The following ZNF211 variants were observed in gnomAD, a reference collection of about 807,000 sequenced individuals.
ZNF211 encodes zinc finger protein C2H2-25.
In ZNF211, 18 loss-of-function variants were observed where a neutral mutation model predicts 12.1. That is an observed-to-expected ratio of 1.48 (90% CI 1.03 to 2.20). The LOEUF (loss-of-function observed/expected upper bound fraction) is 2.20. Ranked by LOEUF, ZNF211 falls within the 30% of genes most tolerant of loss-of-function variation. The pLI, the probability that ZNF211 is intolerant of heterozygous loss-of-function variation, is 0.00. For synonymous variants in ZNF211, 249 were observed against 246.0 expected (o/e 1.01, Z -0.11); for missense variants, 677 against 703.1 (o/e 0.96, Z 0.42).
intron 2 of ZNF211, 45 bp downstream of exon 2, chr19:57,634,106 C>A (rs185696142): frequency 5.2e-5 from 79 of 1,509,072 alleles, no homozygotes; most frequent in Non-Finnish European, 6.8e-5. Context: ...GAATGTCCCT[C>A]CACCCTCCCC....
At chr19:57,639,898 T>G in intron 3 of ZNF211, 1 of 1,528,716 alleles carries the variant, frequency 6.5e-7, no homozygotes, top group South Asian at 1.2e-5. Context: ...TCACATGTCC[T>G]GTCTTTCCCT....
rs1395179760 is a variant in ZNF211 at position 57,638,956 on chromosome 19, C to A, written c.257-1748C>A. Among the ~76,000 whole-genome samples the A allele has an allele frequency of 3.3e-5, 5 of 152,090 alleles. No individual in the cohort carries two copies. In the East Asian group the frequency reaches 9.6e-4, roughly 29 times the overall value. On this transcript the variant is annotated intron_variant, in intron 3 of 3. Coordinates refer to ENST00000240731, the MANE Select transcript of ZNF211 (RefSeq NM_006385.5). ...GAACCTTTTATTAGTATATAATATC[C>A]TTTTATATCTCTTGTTACCCTTTTT...
intron 3 of ZNF211, chr19:57,639,964 G>A: frequency 6.6e-7 from 1 of 1,521,396 alleles, no homozygotes; most frequent in East Asian, 2.5e-5. Context: ...TAGGGGAAGT[G>A]CCCTCTGTTC....
intron 3 of ZNF211, among the ~76,000 whole-genome samples, chr19:57,635,977 A>T (rs1403194525): frequency 6.6e-6 from 1 of 152,176 alleles, no homozygotes; most frequent in Non-Finnish European, 1.5e-5. Flanking sequence ...CAGATTACTG[A>T]TATTGAGCAT....
In ZNF211 at chr19:57,633,210, C is replaced by G; in HGVS notation, c.-137C>G. On this transcript the variant is annotated 5_prime_UTR_variant, in exon 1 of 4. Coordinates refer to ENST00000240731, the MANE Select transcript of ZNF211 (RefSeq NM_006385.5). ...GTCTTCGCAGCGGTCATTTTGGCTG[C>G]CCTCCCGGAGGTCCGTTCTGTCTGT... 1.2e-6 allele frequency: 1 copy of G among 856,948 alleles called. No homozygotes were observed. The highest frequency in any genetic ancestry group is 1.7e-6 in the Non-Finnish European group (1 of 594,326). 53.1% of individuals were successfully genotyped at this position (856,948 alleles called of 1,614,324 possible).
At position 57,642,097 on chromosome 19, in the gene ZNF211, T is replaced by C; in HGVS notation, c.1650T>C (p.Tyr550=). 1 of 1,614,180 alleles carries C rather than the reference T, an allele frequency of 6.2e-7. No individual in the cohort carries two copies. Among genetic ancestry groups the C allele is most frequent in the Non-Finnish European group, 8.5e-7 (1 of 1,179,994 alleles). Residue 550 remains tyrosine, a synonymous_variant, in exon 4 of 4, where the codon TAT becomes TAC. Transcript: ENST00000240731. The part of the protein sequence containing the change: ...HRRVHTGKRP[Y]QCSQCGKSFG... ...GAGTTCACACGGGAAAAAGGCCTTA[T>C]CAGTGCAGTCAATGTGGGAAATCCT...
Position 57,643,341 on chromosome 19 carries a change from A to G in ZNF211, c.*1160A>G, listed in dbSNP as rs1345545224. 6.6e-6 allele frequency among the ~76,000 whole-genome samples: 1 copy of G among 152,136 alleles called. No homozygotes were observed. Among genetic ancestry groups the G allele is most frequent in the Admixed American group, 6.5e-5 (1 of 15,288 alleles). On this transcript the variant is annotated 3_prime_UTR_variant, in exon 4 of 4. Coordinates refer to ENST00000240731, the MANE Select transcript of ZNF211 (RefSeq NM_006385.5). The stretch of plus-strand genomic sequence containing the variant: ...TTGTGCAGGATCAGTGTGTACAGAC[A>G]TTCTTAGAATTTCCAGGCATGTGTA...
At chr19:57,635,061 C>G (rs1169402741) in intron 3 of ZNF211, 46 of 660,058 alleles carry the variant, frequency 7.0e-5, no homozygotes, top group Non-Finnish European at 8.4e-5. Flanking sequence ...GTGTACCTAA[C>G]ATTTATTTGT....
At chr19:57,634,789 C>A in intron 3 of ZNF211, 34 bp downstream of exon 3, 1 of 1,500,782 alleles carries the variant, frequency 6.7e-7, no homozygotes. Context: ...GTGCCCTGGA[C>A]TAGGCTCTCT....
Position 57,642,064 on chromosome 19 carries a change from A to G in ZNF211, c.1617A>G (p.Gln539=). ...KSFSQSSSLI[Q]HRRVHTGKRP... is the part of the protein sequence containing the mutation. ...TTAGCCAAAGTTCTAGCCTCATTCA[A>G]CACCGCAGAGTTCACACGGGAAAAA... is the stretch of plus-strand genomic sequence containing the variant. The change falls in exon 4 of 4, where the codon CAA becomes CAG. Residue 539 remains glutamine, a synonymous_variant. Coordinates refer to ENST00000240731, the MANE Select transcript of ZNF211 (RefSeq NM_006385.5). 1 of 1,614,066 alleles carries G rather than the reference A, an allele frequency of 6.2e-7. No homozygotes were observed. Among genetic ancestry groups the G allele is most frequent in the Non-Finnish European group, 8.5e-7 (1 of 1,179,940 alleles).
In ZNF211 at chr19:57,642,175, G is replaced by A; in HGVS notation, c.1728G>A (p.Lys576=). 3 of 1,602,564 alleles carry A rather than the reference G, an allele frequency of 1.9e-6. No individual in the cohort carries two copies. Among genetic ancestry groups the A allele is most frequent in the South Asian group, 1.1e-5 (1 of 89,850 alleles). ...IQHQRVHIGE[K]P ...ACCAGAGAGTTCACATTGGAGAAAA[G>A]CCTTAGCTGTACTGAGAATATGCAA... Residue 576 remains lysine, a synonymous_variant, in exon 4 of 4, where the codon AAG becomes AAA. Transcript: ENST00000240731.
At chr19:57,639,855 TG>T in intron 3 of ZNF211, 2 of 1,444,376 alleles carry the variant, frequency 1.4e-6, no homozygotes, top group East Asian at 5.0e-5. Flanking sequence ...TGTTCTTTTT[TG>T]TGCCGTGTTG....
chr19:57,633,455 G>C lies in ZNF211; in HGVS notation c.90+19G>C, dbSNP rs973757029. 2.5e-6 allele frequency: 4 copies of C among 1,583,680 alleles called. No individual in the cohort carries two copies. Among genetic ancestry groups the C allele is most frequent in the Non-Finnish European group, 2.6e-6 (3 of 1,171,116 alleles). On this transcript the variant is annotated intron_variant, in intron 1 of 3. Transcript: ENST00000240731. ...GGCTTCGGTGAGCGCTGCGATCTCC[G>C]GGCCTCCCCCGGCCGAGATTCTTAA...
At chr19:57,634,173 G>C in intron 2 of ZNF211, 112 bp downstream of exon 2, 1 of 1,277,644 alleles carries the variant, frequency 7.8e-7, no homozygotes, top group Non-Finnish European at 1.1e-6. Flanking sequence ...CATTCTCTCA[G>C]CGTTTGGTTT....
chr19:57,633,997 C>T (rs759520721), intron 1 of ZNF211, 26 bp from the exon 2 acceptor site: 46 of 1,593,612 alleles, frequency 2.9e-5, no homozygotes, highest in South Asian at 8.0e-5. Context: ...TGATCACATT[C>T]CTCTGAGGCC....
In ZNF211 at chr19:57,640,786, C is replaced by T; in HGVS notation, c.339C>T (p.Ser113=). Residue 113 remains serine (S), a synonymous_variant, in exon 4 of 4, where the codon TCC becomes TCT. Transcript: ENST00000240731. The stretch of plus-strand genomic sequence containing the variant: ...AAAGAGTGCCACAGTTCAGGACTTC[C>T]AAAGAAGGTTCATCTTCCCAGAATG... ...SGERVPQFRT[S]KEGSSSQNAD... 1 of 1,614,190 alleles carries T rather than the reference C, an allele frequency of 6.2e-7. No homozygotes were observed. Among genetic ancestry groups the T allele is most frequent in the Non-Finnish European group, 8.5e-7 (1 of 1,180,036 alleles).
chr19:57,633,364 G>T lies in ZNF211; in HGVS notation c.18G>T (p.Pro6=). Residue 6 remains proline (P), a synonymous_variant, in exon 1 of 4, where the codon CCG becomes CCT. Coordinates refer to ENST00000240731, the MANE Select transcript of ZNF211 (RefSeq NM_006385.5). MLGFP[P]GRPQLPVQLR... is the part of the protein sequence containing the mutation. ...GGATAGCGATGCTCGGGTTCCCCCC[G>T]GGTCGCCCGCAGCTCCCGGTCCAGC... 1 of 1,597,824 alleles carries T rather than the reference G, an allele frequency of 6.3e-7. No homozygotes were observed. The highest frequency in any genetic ancestry group is 8.5e-7 in the Non-Finnish European group (1 of 1,175,396).
intron 1 of ZNF211, 199 bp downstream of exon 1, chr19:57,633,635 A>G: frequency 6.5e-7 from 1 of 1,533,456 alleles, no homozygotes; most frequent in Non-Finnish European, 8.7e-7. Flanking sequence ...GCAACCGAGA[A>G]GGGGGCATTC....
intron 3 of ZNF211, among the ~76,000 whole-genome samples, chr19:57,639,398 C>CTTTTTTTT (rs1982572589): frequency 2.0e-5 from 1 of 50,008 alleles, no homozygotes; most frequent in Non-Finnish European, 4.0e-5. Flanking sequence ...CTTGTCATTT[C>CTTTTTTTT]CTTTATGTAC....
Sources: allele counts gnomAD v4.1 joint callset (sites outside exome capture counted in the v4.1 genomes callset), GRCh38; gene constraint gnomAD v4.1.1; transcripts MANE v1.5; gene names NCBI Gene and HGNC (gene_info 2026-07-23, HGNC 2026-07-21).